GRIK1: variants seen among roughly 807,000 people sequenced by gnomAD.
GRIK1 encodes the protein glutamate ionotropic receptor kainate type subunit 1, also known as glutamate receptor ionotropic, kainate 1.
Under a neutral mutation model 105.7 loss-of-function variants are expected in GRIK1, and 69 were observed. That is an observed-to-expected ratio of 0.65 (90% CI 0.54 to 0.80). The LOEUF is 0.80. Ranked by LOEUF, GRIK1 falls within the 30% of genes least tolerant of loss-of-function variation. GRIK1 has a pLI of 0.00. For missense variants in GRIK1, 1,109 were observed against 1,167.3 expected (o/e 0.95, Z 0.73); for synonymous variants, 438 against 431.3 (o/e 1.02, Z -0.19).
At chr21:29,751,800 G>A (rs1188475726) in intron 1 of GRIK1, among the ~76,000 whole-genome samples, 1 of 152,168 alleles carries the variant, frequency 6.6e-6, no homozygotes, top group African/African-American at 2.4e-5. Context: ...GTTTGTTAAT[G>A]ACCTTCTAAT....
chr21:29,539,327 C>T (rs2089932979), intron 16 of GRIK1, among the ~76,000 whole-genome samples: 1 of 152,176 alleles, frequency 6.6e-6, no homozygotes, highest in Non-Finnish European at 1.5e-5. Flanking sequence ...ACCTTATACA[C>T]ACATGGAACA....
intron 1 of GRIK1, among the ~76,000 whole-genome samples, chr21:29,741,340 A>T (rs544681179): frequency 5.6e-4 from 85 of 152,156 alleles, no homozygotes; most frequent in African/African-American, 2.0e-3. Context: ...GTTTTTTTTA[A>T]ATTAGAACAT....
intron 1 of GRIK1, among the ~76,000 whole-genome samples, chr21:29,737,766 A>G (rs1199006398): frequency 6.6e-6 from 1 of 152,182 alleles, no homozygotes; most frequent in Non-Finnish European, 1.5e-5. Context: ...TCTACCCTCC[A>G]CTCTGGAAAC....
chr21:29,675,672 C>T (rs1021986749), intron 3 of GRIK1, among the ~76,000 whole-genome samples: 1 of 152,172 alleles, frequency 6.6e-6, no homozygotes, highest in Admixed American at 6.5e-5. Flanking sequence ...GCTTCAAAGT[C>T]CTCACAGCCT....
chr21:29,767,596 A>C (rs2065700900), intron 1 of GRIK1, among the ~76,000 whole-genome samples: 1 of 152,166 alleles, frequency 6.6e-6, no homozygotes, highest in Non-Finnish European at 1.5e-5. Context: ...TTGTGGGAGG[A>C]AGAAGTACCC....
At chr21:29,773,329 G>A (rs1354708715) in intron 1 of GRIK1, among the ~76,000 whole-genome samples, 1 of 152,142 alleles carries the variant, frequency 6.6e-6, no homozygotes, top group African/African-American at 2.4e-5. Context: ...AGTATATTCT[G>A]AAAATAGTAT....
At chr21:29,565,408 T>C (rs2090589182) in intron 14 of GRIK1, among the ~76,000 whole-genome samples, 1 of 152,144 alleles carries the variant, frequency 6.6e-6, no homozygotes, top group Non-Finnish European at 1.5e-5. Context: ...GCAGACAGCT[T>C]CAGCACCTTA....
intron 8 of GRIK1, among the ~76,000 whole-genome samples, chr21:29,597,264 A>G (rs1027636469): frequency 2.0e-5 from 3 of 152,228 alleles, no homozygotes; most frequent in Non-Finnish European, 4.4e-5. Context: ...CAATGAAGAG[A>G]TAAGAAACCA....
chr21:29,882,321 C>G (rs766634), intron 1 of GRIK1, among the ~76,000 whole-genome samples: 12,128 of 152,110 alleles, frequency 0.08, 1,289 homozygotes, highest in African/African-American at 0.24. Flanking sequence ...TTGGCCCATA[C>G]TTAATGTATT....
chr21:29,712,405 A>T (rs927689055), intron 1 of GRIK1, among the ~76,000 whole-genome samples: 1 of 152,146 alleles, frequency 6.6e-6, no homozygotes, highest in Non-Finnish European at 1.5e-5. Flanking sequence ...ATATAAAATT[A>T]TAACATATTA....
In GRIK1 at chr21:29,732,301, G is replaced by A. The variant is rs558967053; in HGVS notation, c.119-38238C>T. ...AACCCATCAGCACCTTCAAACATAG[G>A]GGCTGAAGGCAACACTATTTTTAGT... On this transcript the variant is annotated intron_variant, in intron 1 of 17. Transcript: ENST00000327783. Among the ~76,000 whole-genome samples, 4 of 152,202 alleles carry A rather than the reference G, an allele frequency of 2.6e-5. No homozygotes were observed. The South Asian group carries it at 8.3e-4, about 32-fold the overall frequency.
intron 12 of GRIK1, among the ~76,000 whole-genome samples, chr21:29,582,632 G>A (rs1457933465): frequency 1.3e-5 from 2 of 152,034 alleles, no homozygotes. Context: ...GCCCAAAGGA[G>A]GTCTCTGCTC....
chr21:29,869,991 C>T (rs1458444291), intron 1 of GRIK1, among the ~76,000 whole-genome samples: 1 of 152,042 alleles, frequency 6.6e-6, no homozygotes, highest in Non-Finnish European at 1.5e-5. Context: ...ACAGAACATC[C>T]GGATCCATTT....
At position 29,812,343 on chromosome 21, in the gene GRIK1, C is replaced by G. The variant is rs17189093; in HGVS notation, c.119-118280G>C. On this transcript the variant is annotated intron_variant, in intron 1 of 17. Transcript: ENST00000327783. ...GCTGATTAGATTACCAGCCAAATACCTCTAACTCTGCCCTTCACTCTCTTA... is the reference window on the plus strand; with the variant it reads ...GCTGATTAGATTACCAGCCAAATACGTCTAACTCTGCCCTTCACTCTCTTA... Among the ~76,000 whole-genome samples the G allele has an allele frequency of 5.7e-3, 865 of 152,216 alleles. 6 individuals carry two copies. The highest frequency in any genetic ancestry group is 1.0e-2 in the Non-Finnish European group (680 of 68,004).
At chr21:29,632,348 T>C (rs757184013) in intron 7 of GRIK1, among the ~76,000 whole-genome samples, 4 of 152,152 alleles carry the variant, frequency 2.6e-5, no homozygotes, top group Non-Finnish European at 2.9e-5. Context: ...GTCTGCCACA[T>C]ACTAGGTATT....
chr21:29,625,962 G>A (rs1469728136), intron 7 of GRIK1, among the ~76,000 whole-genome samples: 2 of 152,070 alleles, frequency 1.3e-5, no homozygotes, highest in Admixed American at 6.6e-5. Flanking sequence ...ACCCCCAGCA[G>A]CTTAGAATGT....
chr21:29,856,133 C>T (rs929767411), intron 1 of GRIK1, among the ~76,000 whole-genome samples: 1 of 151,954 alleles, frequency 6.6e-6, no homozygotes, highest in Non-Finnish European at 1.5e-5. Flanking sequence ...GAAAGTCAGC[C>T]CAGTGGTGGG....
chr21:29,775,590 A>C (rs1172100966), intron 1 of GRIK1, among the ~76,000 whole-genome samples: 3 of 152,150 alleles, frequency 2.0e-5, no homozygotes. Context: ...CTTCCAAACC[A>C]GAAAGGAAAA....
chr21:29,897,055 A>C (rs1171382358), intron 1 of GRIK1, among the ~76,000 whole-genome samples: 1 of 152,196 alleles, frequency 6.6e-6, no homozygotes, highest in Admixed American at 6.5e-5. Flanking sequence ...GATTTAAAAC[A>C]ATCAGATTAC....
Sources: allele counts gnomAD v4.1 joint callset (sites outside exome capture counted in the v4.1 genomes callset), GRCh38; gene constraint gnomAD v4.1.1; transcripts MANE v1.5; gene names NCBI Gene and HGNC (gene_info 2026-07-23, HGNC 2026-07-21).